The following IFT74 variants were observed in gnomAD, a reference collection of about 807,000 sequenced individuals.
IFT74 encodes the protein intraflagellar transport 74.
A neutral mutation model predicts 96.7 loss-of-function variants in IFT74; 92 were observed. The ratio of observed to expected loss-of-function variants is 0.95; its 90% CI spans 0.80 to 1.13. The LOEUF (loss-of-function observed/expected upper bound fraction) is 1.13. IFT74 is among the 50% of genes most tolerant of loss of function. The pLI is 0.00. For missense variants in IFT74, 811 were observed against 698.2 expected (o/e 1.16, Z -1.82); for synonymous variants, 223 against 213.2 (o/e 1.05, Z -0.40).
At chr9:26,997,966 G>A (rs749932382) in intron 8 of IFT74, 1 of 1,613,808 alleles carries the variant, frequency 6.2e-7, no homozygotes, top group South Asian at 1.1e-5. Flanking sequence ...GTTTATTTAA[G>A]CCTAAAAATG....
intron 8 of IFT74, among the ~76,000 whole-genome samples, chr9:26,992,743 C>T (rs1277694383): frequency 6.6e-6 from 1 of 151,920 alleles, no homozygotes; most frequent in African/African-American, 2.4e-5. Context: ...CTTTTCTATA[C>T]AGCAGTAGAA....
chr9:26,995,278 T>TTA, intron 8 of IFT74: 1 of 339,740 alleles, frequency 2.9e-6, no homozygotes, highest in Non-Finnish European at 5.4e-6. Flanking sequence ...ACCCAAGCAC[T>TTA]GCTAAGAATA....
intron 2 of IFT74, among the ~76,000 whole-genome samples, chr9:26,972,828 T>C (rs1826936546): frequency 6.6e-6 from 1 of 152,182 alleles, no homozygotes; most frequent in African/African-American, 2.4e-5. Flanking sequence ...GCTCTGTATA[T>C]TGAAGCTTTC....
intron 9 of IFT74, among the ~76,000 whole-genome samples, chr9:27,010,936 C>G (rs1470771020): frequency 6.6e-6 from 1 of 152,128 alleles, no homozygotes; most frequent in Non-Finnish European, 1.5e-5. Context: ...GAATTAGGCC[C>G]CATAAATGCC....
At chr9:26,956,992 A>G (rs1826137212) in intron 1 of IFT74, among the ~76,000 whole-genome samples, 1 of 152,232 alleles carries the variant, frequency 6.6e-6, no homozygotes, top group South Asian at 2.1e-4. Context: ...TGCAAGGTAG[A>G]TGTCACCCTT....
intron 3 of IFT74, among the ~76,000 whole-genome samples, chr9:26,979,576 T>C (rs1827267940): frequency 6.6e-6 from 1 of 152,086 alleles, no homozygotes. Context: ...CATTTCCCAG[T>C]ATAATAAGAT....
At chr9:27,022,147 T>G (rs1353691541) in intron 12 of IFT74, among the ~76,000 whole-genome samples, 1 of 152,274 alleles carries the variant, frequency 6.6e-6, no homozygotes, top group East Asian at 1.9e-4. Flanking sequence ...TGTCAGTATT[T>G]GGTTTTATTT....
chr9:26,966,763 T>C (rs1001935246), intron 2 of IFT74, among the ~76,000 whole-genome samples: 4 of 152,078 alleles, frequency 2.6e-5, no homozygotes, highest in African/African-American at 9.7e-5. Context: ...ATGTTCTGGA[T>C]AATTTCCCCT....
chr9:26,973,838 T>C (rs2131513115), intron 2 of IFT74, among the ~76,000 whole-genome samples: 1 of 152,246 alleles, frequency 6.6e-6, no homozygotes, highest in South Asian at 2.1e-4. Flanking sequence ...CACATTTAGG[T>C]CCCACCTCCA....
chr9:26,983,421 G>T (rs1269775810), intron 4 of IFT74, among the ~76,000 whole-genome samples: 2 of 152,122 alleles, frequency 1.3e-5, no homozygotes, highest in Non-Finnish European at 2.9e-5. Context: ...TTGCCCCCAG[G>T]GAACATTTGG....
intron 3 of IFT74, 108 bp from the exon 4 acceptor site, chr9:26,980,463 A>T: frequency 1.3e-6 from 1 of 750,406 alleles, no homozygotes; most frequent in Non-Finnish European, 2.5e-6. Context: ...TGGGGCATTC[A>T]TGAAGACTGT....
chr9:27,054,148 A>C (rs1017182517), intron 16 of IFT74, among the ~76,000 whole-genome samples: 1 of 152,198 alleles, frequency 6.6e-6, no homozygotes, highest in African/African-American at 2.4e-5. Flanking sequence ...CAAATCAGTG[A>C]CTTTCGAAGC....
rs1820595528 is a variant in IFT74, at chr9:27,066,078, TTATTTATG to T, written c.*3351_*3358del. On this transcript the variant is annotated 3_prime_UTR_variant, in exon 20 of 20. Transcript: ENST00000380062. ...TATATTTATGTCACACATATCTGTT[TTATTTATG>T]TATTTATGCACCTTTAATTAAATTA... 1.3e-5 allele frequency among the ~76,000 whole-genome samples: 2 copies of T among 152,210 alleles called. No individual in the cohort carries two copies. The highest frequency in any genetic ancestry group is 6.5e-5 in the Admixed American group (1 of 15,290).
chr9:27,036,695 A>C, intron 13 of IFT74: 1 of 1,307,392 alleles, frequency 7.6e-7, no homozygotes, highest in South Asian at 2.5e-5. Flanking sequence ...AAAAAAAAAG[A>C]CTCCTAAAAA....
intron 13 of IFT74, among the ~76,000 whole-genome samples, chr9:27,037,124 A>G (rs1258827834): frequency 2.0e-5 from 3 of 151,340 alleles, no homozygotes; most frequent in South Asian, 2.1e-4. Context: ...GGAGGCTGAG[A>G]CAGGAGAATT....
At position 27,063,219 on chromosome 9, in the gene IFT74, TATA is replaced by T. The variant is rs1487691726; in HGVS notation, c.*486_*488del. On this transcript the variant is annotated 3_prime_UTR_variant, in exon 20 of 20. Transcript: ENST00000380062. ...GTTATATTTGATGTGTATTAGACCATATAATGTCACAGGTAAATATATAACATA... is the reference window on the plus strand; with the variant it reads ...GTTATATTTGATGTGTATTAGACCATATGTCACAGGTAAATATATAACATA... 6.6e-6 allele frequency among the ~76,000 whole-genome samples: 1 copy of T among 152,166 alleles called. No homozygotes were observed. The highest frequency in any genetic ancestry group is 1.9e-4 in the East Asian group (1 of 5,202).
At chr9:26,958,657 G>T (rs993153238) in intron 1 of IFT74, among the ~76,000 whole-genome samples, 2 of 152,148 alleles carry the variant, frequency 1.3e-5, no homozygotes, top group Non-Finnish European at 2.9e-5. Flanking sequence ...ATTTTGAGCA[G>T]ATGATAATGA....
chr9:26,978,076 T>C, intron 2 of IFT74, 52 bp from the exon 3 acceptor site: 4 of 1,479,012 alleles, frequency 2.7e-6, no homozygotes, highest in South Asian at 1.3e-5. Flanking sequence ...CAATAAAAGA[T>C]GTACAGTGTT....
intron 14 of IFT74, among the ~76,000 whole-genome samples, chr9:27,046,976 C>T (rs535906324): frequency 5.3e-5 from 8 of 152,094 alleles, no homozygotes; most frequent in Non-Finnish European, 1.0e-4. Context: ...AGATCGAGAC[C>T]ATCCTGGCCA....
Sources: gnomAD v4.1 joint callset for allele counts (sites outside exome capture counted in the v4.1 genomes callset) on GRCh38, gnomAD v4.1.1 for gene constraint, MANE v1.5 for transcripts, NCBI Gene and HGNC (gene_info 2026-07-23, HGNC 2026-07-21) for gene names.